EDAR: variants seen among roughly 807,000 people sequenced by gnomAD.
EDAR encodes tumor necrosis factor receptor superfamily member EDAR.
A neutral mutation model predicts 51.3 loss-of-function variants in EDAR; 38 were observed. The ratio of observed to expected loss-of-function variants is 0.74; its 90% CI spans 0.57 to 0.97. The LOEUF is 0.97. EDAR is among the 50% of genes least tolerant of loss of function. The pLI is 0.00. For missense variants in EDAR, 528 were observed against 595.0 expected (o/e 0.89, Z 1.17); for synonymous variants, 227 against 242.1 (o/e 0.94, Z 0.58).
Position 108,896,422 on chromosome 2 carries a change from G to A in EDAR, c.*485C>T, listed in dbSNP as rs970440390. On this transcript the variant is annotated 3_prime_UTR_variant, in exon 12 of 12. Transcript: ENST00000258443. The stretch of plus-strand genomic sequence containing the variant: ...TCATCCCAGTAGGGAGTCATCTCCC[G>A]CTTAGAACTTCTATTAACGTTTTCT... 53 of 157,046 alleles carry A rather than the reference G, an allele frequency of 3.4e-4. No homozygotes were observed. Among genetic ancestry groups the A allele is most frequent in the Non-Finnish European group, 6.7e-4 (47 of 70,612 alleles). 9.7% of individuals were successfully genotyped at this position (157,046 alleles called of 1,614,324 possible).
At chr2:108,930,568 C>G (rs1325329590) in intron 2 of EDAR, among the ~76,000 whole-genome samples, 1 of 152,150 alleles carries the variant, frequency 6.6e-6, no homozygotes, top group African/African-American at 2.4e-5. Flanking sequence ...CCCTGTCCCC[C>G]ACTGAGCCTC....
chr2:108,915,133 A>C (rs1398180607), intron 5 of EDAR, among the ~76,000 whole-genome samples: 1 of 152,102 alleles, frequency 6.6e-6, no homozygotes, highest in Non-Finnish European at 1.5e-5. Context: ...TGAACTCCTG[A>C]CCTCAAGTGA....
chr2:108,906,326 C>T lies in EDAR; in HGVS notation c.1006G>A (p.Val336Met), dbSNP rs1300767499. 8 of 1,614,090 alleles carry T rather than the reference C, an allele frequency of 5.0e-6. No individual in the cohort carries two copies. Among genetic ancestry groups the T allele is most frequent in the African/African-American group, 2.7e-5 (2 of 74,930 alleles). ...RKKILDVYANVCGVVEGLSPT... is the reference protein window; with the variant it reads ...RKKILDVYANMCGVVEGLSPT... ...AGCTTACCTTCCACGACTCCACACACGTTGGCATACACATCGAGGATCTTT... is the reference window on the plus strand; with the variant it reads ...AGCTTACCTTCCACGACTCCACACATGTTGGCATACACATCGAGGATCTTT... The change falls in exon 11 of 12, where the codon GTG becomes ATG. Residue 336 changes from valine (V) to methionine (M), a missense_variant. Val to Met is a conservative substitution (Grantham distance 21, BLOSUM62 1). Transcript: ENST00000258443.
intron 1 of EDAR, among the ~76,000 whole-genome samples, chr2:108,973,128 T>C (rs1260607328): frequency 2.6e-5 from 4 of 152,180 alleles, no homozygotes; most frequent in East Asian, 1.9e-4. Context: ...CTGGGATTAA[T>C]GGCACCCGCC....
At chr2:108,929,486 A>G in intron 3 of EDAR, 107 bp from the exon 4 acceptor site, 1 of 1,222,756 alleles carries the variant, frequency 8.2e-7, no homozygotes, top group Non-Finnish European at 1.2e-6. Flanking sequence ...TCCAGAAGCT[A>G]CTCTTGCCGG....
At chr2:108,977,588 A>G (rs1186581400) in intron 1 of EDAR, among the ~76,000 whole-genome samples, 1 of 151,920 alleles carries the variant, frequency 6.6e-6, no homozygotes, top group Non-Finnish European at 1.5e-5. Context: ...GCCTTTTTTG[A>G]GTGTTCCTGA....
chr2:108,911,837 A>G (rs1246796338), intron 6 of EDAR, among the ~76,000 whole-genome samples: 1 of 152,212 alleles, frequency 6.6e-6, no homozygotes. Flanking sequence ...AGAACCCCGC[A>G]TGTGGGCGCT....
In EDAR at chr2:108,917,921, G is replaced by A. The variant is rs572418316; in HGVS notation, c.443-5157C>T. The stretch of plus-strand genomic sequence containing the variant: ...TGGGTGGGTCTGCTGTTTTCCAGGC[G>A]AGTCAGAAAAATTGCCATGGAAAAC... On this transcript the variant is annotated intron_variant, in intron 5 of 11. Coordinates refer to ENST00000258443, the MANE Select transcript of EDAR (RefSeq NM_022336.4). Among the ~76,000 whole-genome samples the A allele has an allele frequency of 1.3e-4, 19 of 151,950 alleles. No homozygotes were observed. The South Asian group carries it at 3.9e-3, about 32-fold the overall frequency.
At chr2:108,941,908 T>TA (rs143249519) in intron 1 of EDAR, among the ~76,000 whole-genome samples, 4,484 of 152,258 alleles carry the variant, frequency 0.029, 135 homozygotes, top group African/African-American at 0.077. Flanking sequence ...GGTGGGAGCT[T>TA]ATCAGGTCAC....
At chr2:108,923,104 G>A (rs906246333) in intron 5 of EDAR, among the ~76,000 whole-genome samples, 1 of 152,158 alleles carries the variant, frequency 6.6e-6, no homozygotes, top group Non-Finnish European at 1.5e-5. Context: ...TGAGAAAACC[G>A]AGGCTCATGG....
At chr2:108,979,648 C>A (rs1029377610) in intron 1 of EDAR, among the ~76,000 whole-genome samples, 1 of 152,118 alleles carries the variant, frequency 6.6e-6, no homozygotes, top group Non-Finnish European at 1.5e-5. Flanking sequence ...CTCCTGCCTC[C>A]CTACCCAGGG....
At chr2:108,962,735 G>A (rs1698075881) in intron 1 of EDAR, among the ~76,000 whole-genome samples, 1 of 149,184 alleles carries the variant, frequency 6.7e-6, no homozygotes, top group Non-Finnish European at 1.5e-5. Flanking sequence ...GGCCTCCCAT[G>A]CCAAGGCCAA....
chr2:108,958,750 G>A (rs903041560), intron 1 of EDAR, among the ~76,000 whole-genome samples: 18 of 152,180 alleles, frequency 1.2e-4, no homozygotes, highest in Admixed American at 2.6e-4. Context: ...AAGCTCAAGC[G>A]CAAGGCTTCT....
chr2:108,977,763 T>C lies in EDAR; in HGVS notation c.-19+11197A>G, dbSNP rs141675267. On this transcript the variant is annotated intron_variant, in intron 1 of 11. Transcript: ENST00000258443. Reference sequence around the variant, plus strand: ...TCAGAGCTGAGGGTGGAAACAGGCCTCAGTGTCTGAAGGACCCACAGCCAC... The same window carrying C: ...TCAGAGCTGAGGGTGGAAACAGGCCCCAGTGTCTGAAGGACCCACAGCCAC... Among the ~76,000 whole-genome samples the C allele has an allele frequency of 7.1e-3, 1,085 of 152,310 alleles. 8 individuals carry two copies. The highest frequency in any genetic ancestry group is 0.027 in the South Asian group (132 of 4,824).
chr2:108,948,918 G>A (rs569670551), intron 1 of EDAR, among the ~76,000 whole-genome samples: 2 of 152,252 alleles, frequency 1.3e-5, no homozygotes, highest in Admixed American at 1.3e-4. Context: ...AGGAGTTCAA[G>A]ACTGGTCTGG....
chr2:108,944,785 A>G (rs1697683434), intron 1 of EDAR, among the ~76,000 whole-genome samples: 1 of 152,304 alleles, frequency 6.6e-6, no homozygotes, highest in East Asian at 1.9e-4. Context: ...CTGAGGTCAC[A>G]GAGTCAAGGG....
chr2:108,951,035 G>A (rs1208363804), intron 1 of EDAR, among the ~76,000 whole-genome samples: 1 of 152,196 alleles, frequency 6.6e-6, no homozygotes, highest in African/African-American at 2.4e-5. Context: ...ATATTGAAGG[G>A]GCCACTTGTG....
intron 11 of EDAR, among the ~76,000 whole-genome samples, chr2:108,897,773 G>C (rs1417274600): frequency 6.6e-6 from 1 of 152,150 alleles, no homozygotes; most frequent in Non-Finnish European, 1.5e-5. Flanking sequence ...TTAAAAACTT[G>C]ATATTGCTGT....
chr2:108,948,695 T>C lies in EDAR; in HGVS notation c.-18-17663A>G, dbSNP rs78028751. On this transcript the variant is annotated intron_variant, in intron 1 of 11. Coordinates refer to ENST00000258443, the MANE Select transcript of EDAR (RefSeq NM_022336.4). ...TATCCTGAGAACTAACTCAATATCA[T>C]GAGAACAACATGGGGAAAACTGCTC... 7.7e-3 allele frequency among the ~76,000 whole-genome samples: 1,166 copies of C among 152,172 alleles called. 12 individuals carry two copies. The highest frequency in any genetic ancestry group is 0.027 in the African/African-American group (1,113 of 41,528).
Sources: allele counts gnomAD v4.1 joint callset (sites outside exome capture counted in the v4.1 genomes callset), GRCh38; gene constraint gnomAD v4.1.1; transcripts MANE v1.5; gene names NCBI Gene and HGNC (gene_info 2026-07-23, HGNC 2026-07-21).